Variants in DSG2 observed in about 807,000 individuals in gnomAD.
DSG2 encodes desmoglein 2.
Under a neutral mutation model 75.6 loss-of-function variants are expected in DSG2, and 45 were observed. That is an observed-to-expected ratio of 0.60 (90% CI 0.47 to 0.76). DSG2 has a LOEUF of 0.76. Ranked by LOEUF, DSG2 falls within the 30% of genes least tolerant of loss-of-function variation. The pLI is 0.00. For synonymous variants in DSG2, 429 were observed against 483.9 expected (o/e 0.89, Z 1.49); for missense variants, 1,267 against 1,357.4 (o/e 0.93, Z 1.05).
chr18:31,499,452 AGCAT>A (rs762743748), intron 1 of DSG2, among the ~76,000 whole-genome samples: 2 of 152,128 alleles, frequency 1.3e-5, no homozygotes, highest in Non-Finnish European at 2.9e-5. Flanking sequence ...CAGGTGGAAG[AGCAT>A]GATAATTAGG....
chr18:31,511,595 T>C (rs2073067358), intron 1 of DSG2, among the ~76,000 whole-genome samples: 1 of 152,184 alleles, frequency 6.6e-6, no homozygotes, highest in South Asian at 2.1e-4. Context: ...GTACAATGAA[T>C]GAAGCAAATA....
intron 8 of DSG2, 32 bp downstream of exon 8, chr18:31,524,920 C>T: frequency 6.2e-7 from 1 of 1,601,516 alleles, no homozygotes; most frequent in African/African-American, 1.3e-5. Context: ...CTGGCGTGGG[C>T]CAAGTTGGTG....
chr18:31,501,448 A>G (rs1359160331), intron 1 of DSG2, among the ~76,000 whole-genome samples: 1 of 152,212 alleles, frequency 6.6e-6, no homozygotes, highest in Non-Finnish European at 1.5e-5. Context: ...GTGGCTTAAA[A>G]CAACAAAAAT....
rs936591258 is a variant in DSG2 at position 31,547,683 on chromosome 18, AAAAAG to A, written c.*946_*950del. 2.6e-5 allele frequency: 4 copies of A among 151,836 alleles called. No individual in the cohort carries two copies. The highest frequency in any genetic ancestry group is 6.6e-5 in the Admixed American group (1 of 15,252). The allele number at this position is 151,836 out of a possible 1,614,324, so 9.4% of individuals were successfully genotyped here. ...CAGAGTGAGATTCCGTCTCAAAAAA[AAAAAG>A]AAAAGGAAAAAAAAATAGCATTATA... On this transcript the variant is annotated 3_prime_UTR_variant, in exon 15 of 15. Transcript: ENST00000261590.
intron 4 of DSG2, 43 bp downstream of exon 4, chr18:31,521,007 G>A (rs747900225): frequency 2.5e-6 from 4 of 1,608,564 alleles, no homozygotes; most frequent in Non-Finnish European, 3.4e-6. Flanking sequence ...TAGTTTTTCT[G>A]TCATAATAAG....
chr18:31,535,002 G>A (rs1208523445), intron 9 of DSG2, among the ~76,000 whole-genome samples: 1 of 152,210 alleles, frequency 6.6e-6, no homozygotes, highest in East Asian at 1.9e-4. Context: ...TTAAAAACTT[G>A]AGTTAGTGGT....
In DSG2 at chr18:31,522,128, A is replaced by G. The variant is rs1293949458; in HGVS notation, c.569A>G (p.Asn190Ser). ...KINATDADEPNTLNSKISYRI... is the reference protein window; with the variant it reads ...KINATDADEPSTLNSKISYRI... ...AATGCAACAGATGCAGATGAGCCCA[A>G]TACCCTGAATTCGAAAATTTCCTAT... The change falls in exon 6 of 15, where the codon AAT (asparagine) becomes AGT (serine). Residue 190 changes from asparagine (N) to serine (S), a missense_variant. Physicochemically the swap from Asn to Ser is conservative, Grantham distance 46. Coordinates refer to ENST00000261590, the MANE Select transcript of DSG2 (RefSeq NM_001943.5). 1 of 1,613,838 alleles carries G rather than the reference A, an allele frequency of 6.2e-7. No homozygotes were observed. Among genetic ancestry groups the G allele is most frequent in the Non-Finnish European group, 8.5e-7 (1 of 1,179,862 alleles).
chr18:31,511,913 A>C (rs1363045612), intron 1 of DSG2, among the ~76,000 whole-genome samples: 1 of 152,158 alleles, frequency 6.6e-6, no homozygotes, highest in Non-Finnish European at 1.5e-5. Context: ...CCCAATTCAC[A>C]GCAGATTAGC....
chr18:31,507,385 C>T (rs1418043407), intron 1 of DSG2, among the ~76,000 whole-genome samples: 3 of 152,182 alleles, frequency 2.0e-5, no homozygotes, highest in Non-Finnish European at 4.4e-5. Context: ...CCTCAATAAA[C>T]ATATGTGTGC....
At chr18:31,542,186 G>T (rs2073272224) in intron 13 of DSG2, 2 of 370,520 alleles carry the variant, frequency 5.4e-6, no homozygotes, top group South Asian at 5.3e-5. Context: ...ATGGATCCAG[G>T]TCAAAACAAA....
At chr18:31,502,490 C>T (rs1434939618) in intron 1 of DSG2, among the ~76,000 whole-genome samples, 1 of 152,216 alleles carries the variant, frequency 6.6e-6, no homozygotes, top group African/African-American at 2.4e-5. Context: ...TGGCTCACGC[C>T]TGTAATCCCA....
At chr18:31,506,512 T>C (rs1032804300) in intron 1 of DSG2, among the ~76,000 whole-genome samples, 1 of 152,230 alleles carries the variant, frequency 6.6e-6, no homozygotes, top group African/African-American at 2.4e-5. Context: ...TGTCGGTTAA[T>C]TTCTGGTAGT....
chr18:31,511,973 C>A (rs1397428937), intron 1 of DSG2, among the ~76,000 whole-genome samples: 2 of 152,148 alleles, frequency 1.3e-5, no homozygotes, highest in African/African-American at 4.8e-5. Flanking sequence ...TTAATACCAG[C>A]CTTTTGAGAG....
At chr18:31,524,966 A>T (rs1026284523) in intron 8 of DSG2, 78 bp downstream of exon 8, 5 of 1,353,238 alleles carry the variant, frequency 3.7e-6, no homozygotes, top group Admixed American at 1.7e-5. Flanking sequence ...AGCCCTGAAC[A>T]CTTAAAAGTG....
At chr18:31,538,071 G>A (rs564264472) in intron 11 of DSG2, among the ~76,000 whole-genome samples, 4 of 152,158 alleles carry the variant, frequency 2.6e-5, no homozygotes, top group South Asian at 4.1e-4. Flanking sequence ...GAAGAATGTC[G>A]TGCTATCTGT....
In DSG2 at chr18:31,547,291, A is replaced by T. The variant is rs1598828291; in HGVS notation, c.*548A>T. The T allele has an allele frequency of 4.8e-6, 1 of 207,556 alleles. No homozygotes were observed. The highest frequency in any genetic ancestry group is 1.1e-4 in the East Asian group (1 of 8,704). The allele number at this position is 207,556 out of a possible 1,614,324, so 12.9% of individuals were successfully genotyped here. ...CCTTTCAATCTGTGTGATTCATTAA[A>T]TTGGACCATTGATGATAAGAATACA... On this transcript the variant is annotated 3_prime_UTR_variant, in exon 15 of 15. Coordinates refer to ENST00000261590, the MANE Select transcript of DSG2 (RefSeq NM_001943.5).
chr18:31,519,407 T>TA (rs754692401), intron 2 of DSG2, among the ~76,000 whole-genome samples: 14 of 152,040 alleles, frequency 9.2e-5, no homozygotes, highest in Non-Finnish European at 2.1e-4. Flanking sequence ...CTACTAAAAA[T>TA]ACAAAAATTA....
chr18:31,502,927 A>G (rs557876111), intron 1 of DSG2, among the ~76,000 whole-genome samples: 25 of 152,306 alleles, frequency 1.6e-4, no homozygotes, highest in African/African-American at 6.0e-4. Flanking sequence ...CTTTGACAAC[A>G]ATTTATAAAC....
At chr18:31,502,210 G>T (rs1297751856) in intron 1 of DSG2, among the ~76,000 whole-genome samples, 1 of 152,192 alleles carries the variant, frequency 6.6e-6, no homozygotes, top group East Asian at 1.9e-4. Context: ...CTAAATTAAA[G>T]TTTCCAAGGC....
Sources: gnomAD v4.1 joint callset for allele counts (sites outside exome capture counted in the v4.1 genomes callset) on GRCh38, gnomAD v4.1.1 for gene constraint, MANE v1.5 for transcripts, NCBI Gene and HGNC (gene_info 2026-07-23, HGNC 2026-07-21) for gene names.